The following ABI1 variants were observed in gnomAD, a reference collection of about 807,000 sequenced individuals.
The protein encoded by ABI1 is abl interactor 1.
In ABI1, 14 loss-of-function variants were observed where a neutral mutation model predicts 54.6. The ratio of observed to expected loss-of-function variants is 0.26; its 90% CI spans 0.17 to 0.40. The LOEUF (loss-of-function observed/expected upper bound fraction) is 0.40. Among genes scored for constraint, ABI1 ranks in the 10% least tolerant of loss-of-function variants. ABI1 has a pLI of 1.00. For missense variants in ABI1, 443 were observed against 598.3 expected (o/e 0.74, Z 2.71); for synonymous variants, 194 against 209.3 (o/e 0.93, Z 0.63).
At position 26,746,718 on chromosome 10, in the gene ABI1, G is replaced by T. The variant is rs1564443200; in HGVS notation, c.*1852C>A. The T allele has an allele frequency of 4.0e-6, 2 of 495,618 alleles. No homozygotes were observed. Among genetic ancestry groups the T allele is most frequent in the East Asian group, 7.2e-5 (2 of 27,796 alleles). The allele number at this position is 495,618 out of a possible 1,614,324, so 30.7% of individuals were successfully genotyped here. Reference sequence around the variant, plus strand: ...AAATTATAATCAAGGTATCTTGATGGTTATATGTGGTATTGTTTACACTGT... The same window carrying T: ...AAATTATAATCAAGGTATCTTGATGTTTATATGTGGTATTGTTTACACTGT... On this transcript the variant is annotated 3_prime_UTR_variant, in exon 11 of 11. Coordinates refer to ENST00000376140, the MANE Select transcript of ABI1 (RefSeq NM_001012750.3).
At chr10:26,831,041 C>A (rs1174476515) in intron 1 of ABI1, among the ~76,000 whole-genome samples, 1 of 152,138 alleles carries the variant, frequency 6.6e-6, no homozygotes, top group Non-Finnish European at 1.5e-5. Context: ...GGACTGATAA[C>A]AGTCTAATAA....
intron 1 of ABI1, among the ~76,000 whole-genome samples, chr10:26,853,495 T>C (rs1283538832): frequency 6.6e-6 from 1 of 151,532 alleles, no homozygotes; most frequent in East Asian, 1.9e-4. Flanking sequence ...TTGTAAATGC[T>C]TCAAAATTAG....
chr10:26,756,595 G>C lies in ABI1; in HGVS notation c.998-854C>G, dbSNP rs913167777. On this transcript the variant is annotated intron_variant, in intron 8 of 10. Coordinates refer to ENST00000376140, the MANE Select transcript of ABI1 (RefSeq NM_001012750.3). Reference sequence around the variant, plus strand: ...ATTTGTGGAGATGACATAATTGACAGGAAATTAATACCAAATACTCATGTA... The same window carrying C: ...ATTTGTGGAGATGACATAATTGACACGAAATTAATACCAAATACTCATGTA... 5.3e-5 allele frequency among the ~76,000 whole-genome samples: 8 copies of C among 152,008 alleles called. No individual in the cohort carries two copies. The South Asian group carries it at 6.2e-4, about 12-fold the overall frequency.
At chr10:26,855,451 TA>T (rs959530926) in intron 1 of ABI1, among the ~76,000 whole-genome samples, 2 of 152,230 alleles carry the variant, frequency 1.3e-5, no homozygotes, top group African/African-American at 4.8e-5. Flanking sequence ...TGCCAATTAC[TA>T]ACTCTATGAC....
chr10:26,846,191 C>T (rs2049963281), intron 1 of ABI1, among the ~76,000 whole-genome samples: 1 of 151,836 alleles, frequency 6.6e-6, no homozygotes, highest in South Asian at 2.1e-4. Flanking sequence ...GCTACCATCA[C>T]CTCTAGACTA....
chr10:26,773,754 A>T (rs2132824365), intron 3 of ABI1, among the ~76,000 whole-genome samples: 1 of 152,292 alleles, frequency 6.6e-6, no homozygotes, highest in Non-Finnish European at 1.5e-5. Flanking sequence ...CTAACTAGGA[A>T]CTTTACTAAT....
At chr10:26,803,030 A>T (rs1257598626) in intron 2 of ABI1, among the ~76,000 whole-genome samples, 1 of 152,226 alleles carries the variant, frequency 6.6e-6, no homozygotes, top group South Asian at 2.1e-4. Context: ...GGAAAAATCA[A>T]ACCTAGTGTT....
chr10:26,770,584 T>C, intron 4 of ABI1: 1 of 675,948 alleles, frequency 1.5e-6, no homozygotes, highest in Non-Finnish European at 2.7e-6. Flanking sequence ...CTGGATTTAA[T>C]ATCTTATTTT....
At chr10:26,826,897 T>A (rs542869854) in intron 1 of ABI1, among the ~76,000 whole-genome samples, 2 of 151,130 alleles carry the variant, frequency 1.3e-5, no homozygotes, top group Non-Finnish European at 2.9e-5. Context: ...AAGGGAATAT[T>A]GTGGCTAGTT....
rs368714490 is a variant in ABI1 at position 26,747,990 on chromosome 10, C to T, written c.*580G>A. 5.4e-6 allele frequency: 1 copy of T among 185,076 alleles called. No individual in the cohort carries two copies. The highest frequency in any genetic ancestry group is 2.1e-4 in the South Asian group (1 of 4,698). 11.5% of individuals were successfully genotyped at this position (185,076 alleles called of 1,614,324 possible). A position where few individuals can be genotyped will look rare whatever the true frequency, so the allele number is the denominator to read the frequency against. On this transcript the variant is annotated 3_prime_UTR_variant, in exon 11 of 11. Coordinates refer to ENST00000376140, the MANE Select transcript of ABI1 (RefSeq NM_001012750.3). ...GATAATTCTCTTTTTGCTTGTTTCA[C>T]ATGGAGACCTTGGAGACTCAATTCA...
rs2051236147 is a variant in ABI1, at chr10:26,860,668, C to T, written c.117+79G>A. On this transcript the variant is annotated intron_variant, in intron 1 of 10. Coordinates refer to ENST00000376140, the MANE Select transcript of ABI1 (RefSeq NM_001012750.3). The surrounding 1 kb of genome is among the most constrained non-coding windows in gnomAD (Gnocchi z 4.1). ...GGCAGCCGCTGAGGTCAGGGCAGTT[C>T]CCCACCCCGCCCAGTGGGCTGGTCA... The T allele has an allele frequency of 8.5e-7, 1 of 1,175,306 alleles. No individual in the cohort carries two copies. The highest frequency in any genetic ancestry group is 1.2e-5 in the South Asian group (1 of 81,820). The allele number at this position is 1,175,306 out of a possible 1,614,324, so 72.8% of individuals were successfully genotyped here.
intron 7 of ABI1, among the ~76,000 whole-genome samples, chr10:26,761,846 T>G (rs574548415): frequency 6.6e-6 from 1 of 151,116 alleles, no homozygotes; most frequent in East Asian, 2.0e-4. Flanking sequence ...TTTATTTGTA[T>G]GTAAATATAT....
At chr10:26,798,448 C>T (rs1393110317) in intron 2 of ABI1, among the ~76,000 whole-genome samples, 3 of 151,872 alleles carry the variant, frequency 2.0e-5, no homozygotes, top group South Asian at 4.2e-4. Flanking sequence ...AGGGGTCATG[C>T]GCCAAAAGTG....
intron 1 of ABI1, among the ~76,000 whole-genome samples, chr10:26,830,389 T>C (rs1451809856): frequency 6.6e-6 from 1 of 152,044 alleles, no homozygotes; most frequent in Non-Finnish European, 1.5e-5. Flanking sequence ...TGGGAGGTCA[T>C]GGCGAGAGGA....
intron 2 of ABI1, among the ~76,000 whole-genome samples, chr10:26,779,253 A>G (rs1341800729): frequency 6.6e-6 from 1 of 152,240 alleles, no homozygotes; most frequent in Non-Finnish European, 1.5e-5. Context: ...TGTATGGTCA[A>G]CCAGGCAATG....
intron 1 of ABI1, among the ~76,000 whole-genome samples, chr10:26,852,421 G>A (rs1212658930): frequency 1.3e-5 from 2 of 152,194 alleles, no homozygotes; most frequent in Non-Finnish European, 2.9e-5. Flanking sequence ...AGAAGTTGAG[G>A]TGAGCAGAGA....
At chr10:26,846,835 G>A (rs2050019450) in intron 1 of ABI1, among the ~76,000 whole-genome samples, 1 of 151,960 alleles carries the variant, frequency 6.6e-6, no homozygotes, top group Non-Finnish European at 1.5e-5. Flanking sequence ...CCCCTCCACA[G>A]AGACACTGTT....
In ABI1 at chr10:26,765,321, G is replaced by GA. The variant is rs1588793525; in HGVS notation, c.720-4dup. 8 of 1,541,372 alleles carry GA rather than the reference G, an allele frequency of 5.2e-6. No individual in the cohort carries two copies. The highest frequency in any genetic ancestry group is 4.4e-5 in the Admixed American group (2 of 45,088). ...TTCCACTTCCTCCACTACTTCCACTGAAAAGAAAAAAAAAAACTGTGAAAA... is the reference window on the plus strand; with the variant it reads ...TTCCACTTCCTCCACTACTTCCACTGAAAAAGAAAAAAAAAAACTGTGAAAA... On this transcript the variant is annotated splice_polypyrimidine_tract_variant and splice_region_variant and intron_variant, in intron 6 of 10. Coordinates refer to ENST00000376140, the MANE Select transcript of ABI1 (RefSeq NM_001012750.3).
chr10:26,820,588 CT>C (rs34548409), intron 2 of ABI1, among the ~76,000 whole-genome samples: 18,994 of 138,426 alleles, frequency 0.14, 2,043 homozygotes, highest in African/African-American at 0.32. Context: ...AGCTAATGCA[CT>C]TTTTTTTTTT....
Sources: allele counts gnomAD v4.1 joint callset (sites outside exome capture counted in the v4.1 genomes callset), GRCh38; gene constraint gnomAD v4.1.1; non-coding constraint Gnocchi (gnomAD v3.1); transcripts MANE v1.5; gene names NCBI Gene and HGNC (gene_info 2026-07-23, HGNC 2026-07-21).